KANSL1L: variants seen among roughly 807,000 people sequenced by gnomAD.
The protein encoded by KANSL1L is KAT8 regulatory NSL complex subunit 1 like.
A neutral mutation model predicts 108.6 loss-of-function variants in KANSL1L; 25 were observed. The observed-to-expected ratio is 0.23, with a 90% CI of 0.17 to 0.32. The LOEUF is 0.32. Among genes scored for constraint, KANSL1L ranks in the 10% least tolerant of loss-of-function variants. The pLI is 1.00. For missense variants in KANSL1L, 1,137 were observed against 1,125.7 expected (o/e 1.01, Z -0.14); for synonymous variants, 405 against 395.1 (o/e 1.03, Z -0.30).
At chr2:210,167,390 T>TA (rs1688049818) in intron 1 of KANSL1L, among the ~76,000 whole-genome samples, 1 of 152,038 alleles carries the variant, frequency 6.6e-6, no homozygotes, top group Admixed American at 6.5e-5. Flanking sequence ...TAATTAAAGA[T>TA]AAAGCCACTT....
At chr2:210,056,597 C>G (rs1254426509) in intron 6 of KANSL1L, among the ~76,000 whole-genome samples, 2 of 152,244 alleles carry the variant, frequency 1.3e-5, no homozygotes, top group East Asian at 3.9e-4. Context: ...TCTTGTGCCT[C>G]AGCCTCCCAA....
intron 4 of KANSL1L, among the ~76,000 whole-genome samples, chr2:210,099,729 T>C (rs940423412): frequency 3.3e-5 from 5 of 152,244 alleles, no homozygotes; most frequent in South Asian, 2.1e-4. Context: ...ACGTCGCTAA[T>C]TGGATATATG....
chr2:210,093,761 C>CTAGAATACCCAAAACA (rs2094712629), intron 5 of KANSL1L, among the ~76,000 whole-genome samples: 1 of 152,120 alleles, frequency 6.6e-6, no homozygotes, highest in African/African-American at 2.4e-5. Flanking sequence ...AGCAGGGACT[C>CTAGAATACCCAAAACA]AAACAGATAT....
In KANSL1L at chr2:210,153,520, A is replaced by G. The variant is rs758333835; in HGVS notation, c.1063T>C (p.Tyr355His). 1 of 1,614,136 alleles carries G rather than the reference A, an allele frequency of 6.2e-7. No homozygotes were observed. Among genetic ancestry groups the G allele is most frequent in the South Asian group, 1.1e-5 (1 of 91,084 alleles). Reference sequence around the variant, plus strand: ...ACTGCCACATTTTTTCTAAGGGTATATTCATCCAAATCGTCATCAGAGCTG... The same window carrying G: ...ACTGCCACATTTTTTCTAAGGGTATGTTCATCCAAATCGTCATCAGAGCTG... ...DSSSDDDLDE[Y>H]TLRKNVAVNC... Residue 355 changes from tyrosine to histidine, a missense_variant, in exon 2 of 15, where the codon TAT becomes CAT. This residue lies in a region of KANSL1L where 556 missense variants were observed against 537.7 expected (regional missense o/e 1.03). Transcript: ENST00000281772.
intron 3 of KANSL1L, among the ~76,000 whole-genome samples, chr2:210,115,072 G>A (rs532265818): frequency 1.4e-4 from 21 of 152,128 alleles, no homozygotes; most frequent in African/African-American, 4.6e-4. Flanking sequence ...ATAGCAAAAT[G>A]ACAGAAGTAA....
intron 2 of KANSL1L, among the ~76,000 whole-genome samples, chr2:210,136,500 C>T (rs1253677844): frequency 6.6e-6 from 1 of 152,066 alleles, no homozygotes; most frequent in Non-Finnish European, 1.5e-5. Context: ...TTAAACTAAT[C>T]AAAACATTTA....
In KANSL1L at chr2:210,122,632, G is replaced by GT. The variant is rs541981124; in HGVS notation, c.1230+6398dup. On this transcript the variant is annotated intron_variant, in intron 3 of 14. Coordinates refer to ENST00000281772, the MANE Select transcript of KANSL1L (RefSeq NM_152519.4). Reference sequence around the variant, plus strand: ...ATTGGACTGGGCAAAGATTTCTTAAGTAATACCCCACAAGCACAGGCAACC... The same window carrying GT: ...ATTGGACTGGGCAAAGATTTCTTAAGTTAATACCCCACAAGCACAGGCAACC... Among the ~76,000 whole-genome samples the GT allele has an allele frequency of 3.3e-5, 5 of 152,180 alleles. No individual in the cohort carries two copies. The South Asian group carries it at 8.3e-4, about 25-fold the overall frequency.
chr2:210,058,902 T>C (rs1160940854), intron 6 of KANSL1L, among the ~76,000 whole-genome samples: 1 of 146,964 alleles, frequency 6.8e-6, no homozygotes, highest in Non-Finnish European at 1.5e-5. Flanking sequence ...CCTGCCAACA[T>C]GTGGTATCTC....
chr2:210,073,500 A>G (rs1575476216), intron 6 of KANSL1L, among the ~76,000 whole-genome samples: 1 of 151,936 alleles, frequency 6.6e-6, no homozygotes, highest in South Asian at 2.1e-4. Context: ...GTTCAAGACC[A>G]GCCTGGGCAA....
At chr2:210,025,846 T>C (rs1192984541) in intron 12 of KANSL1L, among the ~76,000 whole-genome samples, 1 of 152,178 alleles carries the variant, frequency 6.6e-6, no homozygotes, top group African/African-American at 2.4e-5. Flanking sequence ...AACTTAAAAA[T>C]ACTTGTTTCC....
chr2:210,118,793 G>A lies in KANSL1L; in HGVS notation c.1230+10238C>T, dbSNP rs930907386. Among the ~76,000 whole-genome samples the A allele has an allele frequency of 7.3e-5, 11 of 150,420 alleles. No individual in the cohort carries two copies. In the East Asian group the frequency reaches 1.8e-3, roughly 24 times the overall value. The stretch of plus-strand genomic sequence containing the variant: ...CAGGAGGTTGAGGCTGCAGTGAGTC[G>A]AAATTGTGCCACTCCACTCCAGGTT... On this transcript the variant is annotated intron_variant, in intron 3 of 14. Transcript: ENST00000281772.
At chr2:210,082,790 A>C (rs2094600596) in intron 5 of KANSL1L, among the ~76,000 whole-genome samples, 1 of 152,202 alleles carries the variant, frequency 6.6e-6, no homozygotes, top group African/African-American at 2.4e-5. Flanking sequence ...TAAACTACTT[A>C]AGTAAAAGTA....
intron 9 of KANSL1L, among the ~76,000 whole-genome samples, chr2:210,030,455 T>G (rs1307724044): frequency 6.6e-6 from 1 of 151,670 alleles, no homozygotes; most frequent in East Asian, 1.9e-4. Flanking sequence ...GGATATTGAT[T>G]AGAAGTTTAC....
At chr2:210,040,394 G>A (rs1361773686) in intron 8 of KANSL1L, 26 bp downstream of exon 8, 2 of 1,051,238 alleles carry the variant, frequency 1.9e-6, no homozygotes, top group African/African-American at 3.1e-5. Flanking sequence ...GGCATATAGA[G>A]TACAAGAACT....
chr2:210,051,213 C>G (rs1006972567), intron 6 of KANSL1L, among the ~76,000 whole-genome samples: 1 of 152,146 alleles, frequency 6.6e-6, no homozygotes, highest in Non-Finnish European at 1.5e-5. Context: ...AAGTCAGTAT[C>G]TGGTAGTCCT....
At chr2:210,103,077 T>C (rs968310233) in intron 4 of KANSL1L, among the ~76,000 whole-genome samples, 1 of 152,118 alleles carries the variant, frequency 6.6e-6, no homozygotes, top group African/African-American at 2.4e-5. Context: ...CAAATGTCCA[T>C]CAATGATAGA....
intron 12 of KANSL1L, among the ~76,000 whole-genome samples, 184 bp from the exon 13 acceptor site, chr2:210,025,400 A>G (rs957380204): frequency 6.6e-6 from 1 of 152,216 alleles, no homozygotes; most frequent in African/African-American, 2.4e-5. Context: ...ACTAAAAAAT[A>G]CAAAAATTAG....
At chr2:210,040,380 A>T (rs2094151489) in intron 8 of KANSL1L, 40 bp downstream of exon 8, 4 of 908,650 alleles carry the variant, frequency 4.4e-6, no homozygotes, top group Non-Finnish European at 7.3e-6. Context: ...TAAAGACATA[A>T]AAAGGCATAT....
intron 3 of KANSL1L, among the ~76,000 whole-genome samples, chr2:210,105,951 T>C (rs2125441325): frequency 6.6e-6 from 1 of 152,296 alleles, no homozygotes; most frequent in South Asian, 2.1e-4. Context: ...TGAAAAGCTC[T>C]TGAGAGTATC....
Sources: allele counts gnomAD v4.1 joint callset (sites outside exome capture counted in the v4.1 genomes callset), GRCh38; gene constraint gnomAD v4.1.1; regional missense constraint gnomAD v4.1.1; transcripts MANE v1.5; gene names NCBI Gene and HGNC (gene_info 2026-07-23, HGNC 2026-07-21).